Variants in AGTR1 observed in about 807,000 individuals in gnomAD.
AGTR1 encodes the protein angiotensin II receptor type 1, also known as type-1 angiotensin II receptor.
Under a neutral mutation model 19.4 loss-of-function variants are expected in AGTR1, and 16 were observed. That is an observed-to-expected ratio of 0.82 (90% confidence interval 0.56 to 1.25). AGTR1 has a LOEUF of 1.25. AGTR1 is among the 50% of genes most tolerant of loss of function. The pLI is 0.00. For synonymous variants in AGTR1, 153 were observed against 154.9 expected (o/e 0.99, Z 0.09); for missense variants, 373 against 431.9 (o/e 0.86, Z 1.21).
rs552496129 is a variant in AGTR1 at position 148,711,924 on chromosome 3, T to A, written c.-48+3897T>A. Among the ~76,000 whole-genome samples the A allele has an allele frequency of 4.6e-5, 7 of 152,102 alleles. No individual in the cohort carries two copies. In the East Asian group the frequency reaches 1.2e-3, roughly 25 times the overall value. On this transcript the variant is annotated intron_variant, in intron 2 of 2. Coordinates refer to ENST00000349243, the MANE Select transcript of AGTR1 (RefSeq NM_000685.5). ...CACTATGCCCAGCTAATTATTTTTT[T>A]AATTTTTTGTAGAGATGTCGTCTTG...
intron 2 of AGTR1, among the ~76,000 whole-genome samples, chr3:148,723,836 A>G (rs1713781786): frequency 6.6e-6 from 1 of 152,176 alleles, no homozygotes. Flanking sequence ...TGCATGTGGA[A>G]TGGAAGGGGG....
In AGTR1 at chr3:148,712,130, A is replaced by G. The variant is rs567980035; in HGVS notation, c.-48+4103A>G. Reference sequence around the variant, plus strand: ...AGAGGCCCTGTTTTGCTGACAGGAAAGGCTTTTAGCTGGAATCAAGAGTGC... The same window carrying G: ...AGAGGCCCTGTTTTGCTGACAGGAAGGGCTTTTAGCTGGAATCAAGAGTGC... On this transcript the variant is annotated intron_variant, in intron 2 of 2. Coordinates refer to ENST00000349243, the MANE Select transcript of AGTR1 (RefSeq NM_000685.5). 7.2e-5 allele frequency among the ~76,000 whole-genome samples: 11 copies of G among 152,242 alleles called. No homozygotes were observed. The South Asian group carries it at 2.3e-3, about 32-fold the overall frequency.
At chr3:148,699,593 T>C (rs976210447) in intron 1 of AGTR1, among the ~76,000 whole-genome samples, 6 of 152,202 alleles carry the variant, frequency 3.9e-5, no homozygotes, top group African/African-American at 1.2e-4. Flanking sequence ...GTAAGAGCAT[T>C]ATTTCACAAC....
chr3:148,740,031 G>A, intron 2 of AGTR1: 1 of 1,179,232 alleles, frequency 8.5e-7, no homozygotes, highest in Non-Finnish European at 1.1e-6. Context: ...GGCAGAATGT[G>A]TTGATTTTCT....
At chr3:148,719,491 A>G (rs1247082795) in intron 2 of AGTR1, among the ~76,000 whole-genome samples, 7 of 152,220 alleles carry the variant, frequency 4.6e-5, no homozygotes, top group Non-Finnish European at 8.8e-5. Flanking sequence ...ATATTTTTGT[A>G]CACAGTTTTG....
At chr3:148,733,908 A>T (rs947477549) in intron 2 of AGTR1, among the ~76,000 whole-genome samples, 1 of 152,204 alleles carries the variant, frequency 6.6e-6, no homozygotes, top group South Asian at 2.1e-4. Context: ...CATATTTAAC[A>T]TAAGAGTATT....
chr3:148,710,109 T>C (rs1433511658), intron 2 of AGTR1, among the ~76,000 whole-genome samples: 1 of 152,178 alleles, frequency 6.6e-6, no homozygotes, highest in African/African-American at 2.4e-5. Flanking sequence ...ATTTCTATCA[T>C]AGGAAGTACT....
chr3:148,728,070 C>A (rs1020774760), intron 2 of AGTR1, among the ~76,000 whole-genome samples: 4 of 152,054 alleles, frequency 2.6e-5, no homozygotes, highest in Non-Finnish European at 5.9e-5. Context: ...GCCAAATATC[C>A]CTGGAGTACA....
intron 2 of AGTR1, among the ~76,000 whole-genome samples, chr3:148,720,942 T>C (rs533051332): frequency 6.6e-6 from 1 of 152,316 alleles, no homozygotes; most frequent in Non-Finnish European, 1.5e-5. Context: ...ACAAATGAGA[T>C]TTTTATTACT....
chr3:148,726,860 A>G (rs111289251), intron 2 of AGTR1, among the ~76,000 whole-genome samples: 47 of 152,202 alleles, frequency 3.1e-4, no homozygotes, highest in Non-Finnish European at 1.6e-4. Flanking sequence ...GCACTCTGAG[A>G]TAAGAAAGAA....
chr3:148,703,614 A>G (rs1300781163), intron 1 of AGTR1, among the ~76,000 whole-genome samples: 1 of 152,212 alleles, frequency 6.6e-6, no homozygotes, highest in Non-Finnish European at 1.5e-5. Context: ...AGATTGGGAT[A>G]CCAAGTAATA....
In AGTR1 at chr3:148,742,340, T is replaced by C. The variant is rs570321255; in HGVS notation, c.*225T>C. The C allele has an allele frequency of 9.0e-6, 6 of 667,126 alleles. No homozygotes were observed. The highest frequency in any genetic ancestry group is 1.6e-5 in the Non-Finnish European group (6 of 367,752). 41.3% of individuals were successfully genotyped at this position (667,126 alleles called of 1,614,324 possible). A position where few individuals can be genotyped will look rare whatever the true frequency, so the allele number is the denominator to read the frequency against. ...CATTTTGCATTAGACAGATGACGGC[T>C]GCTCGAAGAACAATGTCAGAAACTC... On this transcript the variant is annotated 3_prime_UTR_variant, in exon 3 of 3. Coordinates refer to ENST00000349243, the MANE Select transcript of AGTR1 (RefSeq NM_000685.5).
chr3:148,709,355 G>GA (rs1471464973), intron 2 of AGTR1, among the ~76,000 whole-genome samples: 7 of 152,136 alleles, frequency 4.6e-5, no homozygotes, highest in Admixed American at 4.6e-4. Context: ...GTTCCTGCTG[G>GA]AAATGATTCT....
rs192073738 is a variant in AGTR1, at chr3:148,723,449, T to C, written c.-48+15422T>C. Among the ~76,000 whole-genome samples the C allele has an allele frequency of 3.9e-5, 6 of 152,332 alleles. 1 individual carries two copies. Among genetic ancestry groups the C allele is most frequent in the African/African-American group, 1.4e-4 (6 of 41,572 alleles). On this transcript the variant is annotated intron_variant, in intron 2 of 2. Transcript: ENST00000349243. ...AGTCCCTTTCACTACTGATGACCTT[T>C]TGAACACAAGATAATATTTGTCGAG...
At chr3:148,724,487 C>A (rs1323597908) in intron 2 of AGTR1, among the ~76,000 whole-genome samples, 2 of 152,134 alleles carry the variant, frequency 1.3e-5, no homozygotes, top group Non-Finnish European at 2.9e-5. Context: ...ACTTGGATAA[C>A]CTGACAACCA....
chr3:148,732,160 T>C (rs191871183), intron 2 of AGTR1, among the ~76,000 whole-genome samples: 12 of 152,386 alleles, frequency 7.9e-5, no homozygotes, highest in Non-Finnish European at 1.2e-4. Context: ...CCATGTAATC[T>C]TGACTCTCTA....
chr3:148,726,880 T>A (rs547187726), intron 2 of AGTR1, among the ~76,000 whole-genome samples: 2 of 152,298 alleles, frequency 1.3e-5, no homozygotes, highest in South Asian at 4.1e-4. Context: ...ACAGTGGTGT[T>A]TTCATAGTAA....
rs1713334544 is a variant in AGTR1, at chr3:148,716,920, A to T, written c.-48+8893A>T. 6.6e-6 allele frequency among the ~76,000 whole-genome samples: 1 copy of T among 152,180 alleles called. No individual in the cohort carries two copies. The highest frequency in any genetic ancestry group is 2.1e-4 in the South Asian group (1 of 4,830). The stretch of plus-strand genomic sequence containing the variant: ...TAAGCTGTCATTCAGATCAGAAAAA[A>T]TAAAAGAGAGAGATGAATTAATCTC... On this transcript the variant is annotated intron_variant, in intron 2 of 2. Transcript: ENST00000349243. The surrounding 1 kb of genome is among the most constrained non-coding windows in gnomAD (Gnocchi z 4.7).
At chr3:148,732,772 G>C (rs13094874) in intron 2 of AGTR1, among the ~76,000 whole-genome samples, 5 of 113,638 alleles carry the variant, frequency 4.4e-5, no homozygotes, top group African/African-American at 1.8e-4. Flanking sequence ...ACGGAGTCTC[G>C]CTCTGTCGCC....
Sources: allele counts gnomAD v4.1 joint callset (sites outside exome capture counted in the v4.1 genomes callset), GRCh38; gene constraint gnomAD v4.1.1; non-coding constraint Gnocchi (gnomAD v3.1); transcripts MANE v1.5; gene names NCBI Gene and HGNC (gene_info 2026-07-23, HGNC 2026-07-21).